TMEM273: variants seen among roughly 807,000 people sequenced by gnomAD.
The protein encoded by TMEM273 is chromosome 10 open reading frame 128.
A neutral mutation model predicts 17.9 loss-of-function variants in TMEM273; 19 were observed. The observed-to-expected ratio is 1.06, with a 90% CI of 0.74 to 1.55. The LOEUF is 1.55. TMEM273 is among the 40% of genes most tolerant of loss of function. The probability of loss-of-function intolerance (pLI) is 0.00; values close to 1 mark genes in which losing one functional copy is unlikely to be tolerated. For missense variants in TMEM273, 194 were observed against 155.6 expected (o/e 1.25, Z -1.31); for synonymous variants, 66 against 62.0 (o/e 1.07, Z -0.31).
chr10:49,182,429 CTCT>C (rs1200585671), intron 1 of TMEM273, among the ~76,000 whole-genome samples: 1 of 152,192 alleles, frequency 6.6e-6, no homozygotes, highest in African/African-American at 2.4e-5. Flanking sequence ...AGACTCTGCT[CTCT>C]TCAATAACTC....
intron 1 of TMEM273, among the ~76,000 whole-genome samples, chr10:49,177,571 C>T (rs867448617): frequency 7.5e-4 from 114 of 152,226 alleles, no homozygotes; most frequent in African/African-American, 2.4e-3. Flanking sequence ...CAGGAAGTGA[C>T]GTGACCTCTT....
chr10:49,170,423 G>C (rs1465479426), intron 1 of TMEM273, among the ~76,000 whole-genome samples: 2 of 152,082 alleles, frequency 1.3e-5, no homozygotes, highest in Non-Finnish European at 2.9e-5. Flanking sequence ...CCCTGGCTGA[G>C]GTTCAGCTCA....
At chr10:49,168,717 G>A (rs1846361210) in intron 1 of TMEM273, among the ~76,000 whole-genome samples, 1 of 146,318 alleles carries the variant, frequency 6.8e-6, no homozygotes, top group Non-Finnish European at 1.5e-5. Context: ...AGGGAGGGAG[G>A]GAGGGTGGGA....
intron 3 of TMEM273, 96 bp from the exon 4 acceptor site, chr10:49,165,892 A>C: frequency 1.6e-5 from 25 of 1,532,870 alleles, no homozygotes; most frequent in East Asian, 2.3e-5. Context: ...TGGTCCTCTC[A>C]CTCACGGTTG....
At chr10:49,158,903 G>A (rs904944916) in intron 6 of TMEM273, among the ~76,000 whole-genome samples, 3 of 152,124 alleles carry the variant, frequency 2.0e-5, no homozygotes, top group African/African-American at 7.2e-5. Flanking sequence ...AAGTATATAT[G>A]CACAGATATA....
At chr10:49,171,984 C>G (rs533502011) in intron 1 of TMEM273, among the ~76,000 whole-genome samples, 2 of 152,154 alleles carry the variant, frequency 1.3e-5, no homozygotes, top group Admixed American at 6.5e-5. Flanking sequence ...GGCCAGTAGG[C>G]GTGCGTGCAC....
intron 1 of TMEM273, among the ~76,000 whole-genome samples, chr10:49,175,138 G>A (rs1380738750): frequency 3.9e-5 from 6 of 152,218 alleles, no homozygotes; most frequent in African/African-American, 1.4e-4. Flanking sequence ...ACAAGCAAAA[G>A]CCAGGCGATT....
At chr10:49,182,198 T>C (rs959967559) in intron 1 of TMEM273, among the ~76,000 whole-genome samples, 2 of 152,206 alleles carry the variant, frequency 1.3e-5, no homozygotes, top group Admixed American at 1.3e-4. Context: ...GTACCAAGGA[T>C]TCTTCCTTAC....
chr10:49,167,335 C>T (rs1846259224), intron 2 of TMEM273, among the ~76,000 whole-genome samples: 1 of 152,236 alleles, frequency 6.6e-6, no homozygotes, highest in Non-Finnish European at 1.5e-5. Context: ...TTAATTCATC[C>T]ACTCATCTAT....
At chr10:49,163,381 C>G (rs1421225292) in intron 5 of TMEM273, among the ~76,000 whole-genome samples, 1 of 151,938 alleles carries the variant, frequency 6.6e-6, no homozygotes, top group African/African-American at 2.4e-5. Flanking sequence ...CCCAATTCGA[C>G]CACACATTTC....
intron 5 of TMEM273, 21 bp from the exon 6 acceptor site, chr10:49,161,643 G>A (rs10857436): frequency 0.016 from 26,470 of 1,614,062 alleles, 300 homozygotes; most frequent in Non-Finnish European, 0.019. Flanking sequence ...AGATAAAAGG[G>A]TGTTCATTGC....
At chr10:49,172,779 T>A in intron 1 of TMEM273, among the ~76,000 whole-genome samples, 1 of 152,220 alleles carries the variant, frequency 6.6e-6, no homozygotes, top group East Asian at 1.9e-4. Context: ...AAGTGGCAGC[T>A]GCCCTTCTAC....
At chr10:49,179,319 C>G (rs1847195204) in intron 1 of TMEM273, among the ~76,000 whole-genome samples, 1 of 152,196 alleles carries the variant, frequency 6.6e-6, no homozygotes, top group South Asian at 2.1e-4. Flanking sequence ...TATAGCCGCC[C>G]AGCTGTGGCC....
intron 6 of TMEM273, 41 bp downstream of exon 6, chr10:49,161,558 C>T (rs1045722991): frequency 6.8e-6 from 11 of 1,614,052 alleles, no homozygotes; most frequent in South Asian, 5.5e-5. Flanking sequence ...CAGAGACTGC[C>T]TGTCCTCCTT....
chr10:49,171,008 G>A (rs1446359434), intron 1 of TMEM273, among the ~76,000 whole-genome samples: 1 of 152,224 alleles, frequency 6.6e-6, no homozygotes, highest in East Asian at 1.9e-4. Context: ...TGCCTCGGCT[G>A]CATTTAGATC....
At chr10:49,167,053 C>T (rs1846241102) in intron 2 of TMEM273, 44 bp from the exon 3 acceptor site, 4 of 1,605,154 alleles carry the variant, frequency 2.5e-6, no homozygotes, top group Admixed American at 3.3e-5. Flanking sequence ...CAGTCACCTG[C>T]AGCTCCCTCT....
chr10:49,178,355 G>A (rs1847130622), intron 1 of TMEM273: 1 of 454,928 alleles, frequency 2.2e-6, no homozygotes, highest in Non-Finnish European at 4.4e-6. Flanking sequence ...TCAAACAAGT[G>A]CTAATTACTG....
rs577185702 is a variant in TMEM273 at position 49,182,367 on chromosome 10, C to A, written c.43+5927G>T. Among the ~76,000 whole-genome samples, 8 of 152,206 alleles carry A rather than the reference C, an allele frequency of 5.3e-5. No individual in the cohort carries two copies. The South Asian group carries it at 1.7e-3, about 32-fold the overall frequency. On this transcript the variant is annotated intron_variant, in intron 1 of 6. Coordinates refer to ENST00000374153, the MANE Select transcript of TMEM273 (RefSeq NM_001288740.3). ...GTAAGATAAAAACGAATTTAATTCT[C>A]TTTACCCGGGCCTCTGCCATCTTTT...
At chr10:49,187,410 G>A (rs1430598220) in intron 1 of TMEM273, among the ~76,000 whole-genome samples, 3 of 152,198 alleles carry the variant, frequency 2.0e-5, no homozygotes, top group Non-Finnish European at 4.4e-5. Context: ...TATTGGTCTG[G>A]AGACACAAGA....
Sources: allele counts gnomAD v4.1 joint callset (sites outside exome capture counted in the v4.1 genomes callset), GRCh38; gene constraint gnomAD v4.1.1; transcripts MANE v1.5; gene names NCBI Gene and HGNC (gene_info 2026-07-23, HGNC 2026-07-21).